The following ADAMTS6 variants were observed in gnomAD, a reference collection of about 807,000 sequenced individuals.
ADAMTS6 encodes A disintegrin and metalloproteinase with thrombospondin motifs 6.
In ADAMTS6, 23 loss-of-function variants were observed where a neutral mutation model predicts 144.3. The ratio of observed to expected loss-of-function variants is 0.16; its 90% CI spans 0.11 to 0.23. The LOEUF (loss-of-function observed/expected upper bound fraction) is 0.23, where lower values mean the gene tolerates loss of function less well. Among genes scored for constraint, ADAMTS6 ranks in the 10% least tolerant of loss-of-function variants. ADAMTS6 has a pLI of 1.00. For missense variants in ADAMTS6, 999 were observed against 1,379.6 expected, an observed-to-expected ratio of 0.72 and a Z score of 4.37; for synonymous variants, 444 against 457.5, an observed-to-expected ratio of 0.97 and a Z score of 0.38.
At chr5:65,334,328 G>T (rs549826189) in intron 7 of ADAMTS6, among the ~76,000 whole-genome samples, 1 of 152,288 alleles carries the variant, frequency 6.6e-6, no homozygotes, top group African/African-American at 2.4e-5. Flanking sequence ...GGTTAAAGTG[G>T]ATTTTTGTAA....
At chr5:65,333,997 T>TAAAAAAAA (rs750637450) in intron 8 of ADAMTS6, 45 bp downstream of exon 8, 97 of 842,340 alleles carry the variant, frequency 1.2e-4, no homozygotes, top group African/African-American at 5.4e-4. Flanking sequence ...CTACCTTTAT[T>TAAAAAAAA]AAAAAAAAAA....
intron 23 of ADAMTS6, 130 bp downstream of exon 23, chr5:65,172,702 G>A: frequency 9.3e-7 from 1 of 1,076,610 alleles, no homozygotes; most frequent in Non-Finnish European, 1.3e-6. Context: ...TCACACTCAT[G>A]CCTCATACTT....
At chr5:65,299,138 C>T (rs1743130596) in intron 10 of ADAMTS6, among the ~76,000 whole-genome samples, 1 of 151,920 alleles carries the variant, frequency 6.6e-6, no homozygotes, top group African/African-American at 2.4e-5. Flanking sequence ...GCACTGAAAT[C>T]TTGATATTAT....
At chr5:65,383,959 A>G (rs868092360) in intron 7 of ADAMTS6, among the ~76,000 whole-genome samples, 1 of 152,182 alleles carries the variant, frequency 6.6e-6, no homozygotes. Context: ...CCTTTTGGAA[A>G]GGCAGCCCGA....
intron 9 of ADAMTS6, among the ~76,000 whole-genome samples, chr5:65,310,948 G>C (rs1198313655): frequency 6.6e-6 from 1 of 152,078 alleles, no homozygotes; most frequent in African/African-American, 2.4e-5. Flanking sequence ...AAGCGGGTTA[G>C]AGGAAGTTGC....
intron 7 of ADAMTS6, among the ~76,000 whole-genome samples, chr5:65,341,293 A>C (rs910839699): frequency 4.6e-5 from 7 of 152,002 alleles, no homozygotes; most frequent in African/African-American, 1.7e-4. Context: ...AATGCATCTC[A>C]AGAAACTAGA....
chr5:65,300,270 T>G (rs1010622946), intron 9 of ADAMTS6, 139 bp from the exon 10 acceptor site: 6 of 701,420 alleles, frequency 8.6e-6, no homozygotes, highest in African/African-American at 3.6e-5. Context: ...CTAAAGAAAT[T>G]TAGGATTAAA....
intron 20 of ADAMTS6, among the ~76,000 whole-genome samples, chr5:65,211,267 C>G (rs775228726): frequency 6.6e-6 from 1 of 152,158 alleles, no homozygotes; most frequent in Admixed American, 6.6e-5. Context: ...ACAATTGATT[C>G]CTGCACTCTA....
At chr5:65,451,180 G>T (rs1042651610) in intron 7 of ADAMTS6, 2 of 230,434 alleles carry the variant, frequency 8.7e-6, no homozygotes, top group Admixed American at 5.5e-5. Flanking sequence ...ATTTTGTTCG[G>T]TTAACAAATC....
At chr5:65,372,701 G>A (rs1751086632) in intron 7 of ADAMTS6, among the ~76,000 whole-genome samples, 1 of 152,136 alleles carries the variant, frequency 6.6e-6, no homozygotes. Context: ...AGATCAATGA[G>A]ACAGAAAGTC....
intron 7 of ADAMTS6, among the ~76,000 whole-genome samples, chr5:65,387,011 C>T (rs1752530333): frequency 6.6e-6 from 1 of 152,160 alleles, no homozygotes; most frequent in African/African-American, 2.4e-5. Flanking sequence ...GAAAGAAGAA[C>T]AATAATGCAA....
chr5:65,159,287 G>A (rs530291711), intron 24 of ADAMTS6, among the ~76,000 whole-genome samples: 19 of 151,924 alleles, frequency 1.3e-4, no homozygotes, highest in South Asian at 2.1e-4. Flanking sequence ...CCTCTGCTTC[G>A]TTACCCTTCT....
At chr5:65,187,913 C>T (rs895086294) in intron 22 of ADAMTS6, 103 bp downstream of exon 22, 2 of 1,173,006 alleles carry the variant, frequency 1.7e-6, no homozygotes, top group Non-Finnish European at 2.4e-6. Context: ...ACAGCCCTTA[C>T]TTGTTGAGTT....
intron 7 of ADAMTS6, among the ~76,000 whole-genome samples, chr5:65,344,220 C>A (rs1049722773): frequency 2.6e-5 from 4 of 151,912 alleles, no homozygotes; most frequent in Admixed American, 2.0e-4. Context: ...TCTTTGCCAT[C>A]ATCAATAACC....
intron 15 of ADAMTS6, among the ~76,000 whole-genome samples, chr5:65,236,434 T>C (rs1246659735): frequency 6.6e-6 from 1 of 152,112 alleles, no homozygotes; most frequent in Non-Finnish European, 1.5e-5. Flanking sequence ...ACTACAGGCA[T>C]GTGGTACCAC....
chr5:65,260,282 G>C (rs1761062373), intron 14 of ADAMTS6, among the ~76,000 whole-genome samples: 1 of 152,116 alleles, frequency 6.6e-6, no homozygotes, highest in African/African-American at 2.4e-5. Context: ...GGCATAATAA[G>C]ATTAATTCTG....
intron 14 of ADAMTS6, among the ~76,000 whole-genome samples, chr5:65,247,341 G>T (rs1444013232): frequency 2.0e-5 from 3 of 152,026 alleles, no homozygotes; most frequent in Admixed American, 2.0e-4. Context: ...TGTACTGGTA[G>T]ACAAATCTAA....
intron 20 of ADAMTS6, among the ~76,000 whole-genome samples, chr5:65,207,400 T>A (rs1756180489): frequency 6.6e-6 from 1 of 152,176 alleles, no homozygotes; most frequent in Non-Finnish European, 1.5e-5. Context: ...TTTCTGACAT[T>A]TCTTTGTACT....
chr5:65,224,456 G>T, intron 17 of ADAMTS6, 56 bp from the exon 18 acceptor site: 1 of 1,409,056 alleles, frequency 7.1e-7, no homozygotes, highest in Non-Finnish European at 1.0e-6. Flanking sequence ...ATGAGTATTT[G>T]GTAACCATTC....
Sources: gnomAD v4.1 joint callset for allele counts (sites outside exome capture counted in the v4.1 genomes callset) on GRCh38, gnomAD v4.1.1 for gene constraint, MANE v1.5 for transcripts, NCBI Gene and HGNC (gene_info 2026-07-23, HGNC 2026-07-21) for gene names.